CIT: variants seen among roughly 807,000 people sequenced by gnomAD.
The protein encoded by CIT is citron Rho-interacting kinase.
A neutral mutation model predicts 272.7 loss-of-function variants in CIT; 79 were observed. The ratio of observed to expected loss-of-function variants is 0.29; its 90% CI spans 0.24 to 0.35. The LOEUF (loss-of-function observed/expected upper bound fraction) is 0.35, where lower values mean the gene tolerates loss of function less well. Ranked by LOEUF, CIT falls within the 10% of genes least tolerant of loss-of-function variation. The pLI, the probability that CIT is intolerant of heterozygous loss-of-function variation, is 1.00. For synonymous variants in CIT, 948 were observed against 995.6 expected (o/e 0.95, Z 0.90); for missense variants, 1,909 against 2,618.3 (o/e 0.73, Z 5.91).
chr12:119,794,696 C>A (rs566427044), intron 10 of CIT, among the ~76,000 whole-genome samples: 3 of 152,222 alleles, frequency 2.0e-5, no homozygotes, highest in East Asian at 1.9e-4. Flanking sequence ...TCAGGCCCCC[C>A]ACGTGGAGCT....
rs1464781989 is a variant in CIT at position 119,758,583 on chromosome 12, A to G, written c.2531+8T>C. The stretch of plus-strand genomic sequence containing the variant: ...ATAATGTAGGGCAGTTAGAATTTGA[A>G]TACTTACATGTTCCTTTGGGTAAAA... On this transcript the variant is annotated splice_region_variant and intron_variant, in intron 21 of 47. Coordinates refer to ENST00000392521, the MANE Select transcript of CIT (RefSeq NM_001206999.2). 2 of 1,569,694 alleles carry G rather than the reference A, an allele frequency of 1.3e-6. No individual in the cohort carries two copies. The highest frequency in any genetic ancestry group is 8.8e-7 in the Non-Finnish European group (1 of 1,139,606).
chr12:119,690,331 G>A lies in CIT; in HGVS notation c.6006C>T (p.Arg2002=), dbSNP rs777373767. The change falls in exon 47 of 48, where the codon CGC becomes CGT. Residue 2002 remains arginine, a synonymous_variant. Coordinates refer to ENST00000392521, the MANE Select transcript of CIT (RefSeq NM_001206999.2). This position sits in a 1 kb window ranked among gnomAD's most constrained non-coding sequence, Gnocchi z 6.0. The part of the protein sequence containing the change: ...PREPSTPHRY[R]EGRTELRRDK... ...CCCTGCGCAGCTCGGTCCGCCCCTC[G>A]CGGTAGCGGTGGGGTGTGCTTGGCT... is the stretch of plus-strand genomic sequence containing the variant. 7.5e-6 allele frequency: 12 copies of A among 1,596,676 alleles called. No individual in the cohort carries two copies. Among genetic ancestry groups the A allele is most frequent in the African/African-American group, 2.7e-5 (2 of 74,728 alleles).
chr12:119,695,116 A>C (rs1956161672), intron 46 of CIT, among the ~76,000 whole-genome samples: 2 of 152,090 alleles, frequency 1.3e-5, no homozygotes, highest in African/African-American at 4.8e-5. Context: ...GCAACAATTC[A>C]AAGAGTGTTT....
chr12:119,876,758 C>T (rs1258867009), intron 1 of CIT, among the ~76,000 whole-genome samples: 1 of 152,080 alleles, frequency 6.6e-6, no homozygotes, highest in African/African-American at 2.4e-5. Context: ...AACAGCCAAG[C>T]CAAAAGCACT....
At chr12:119,773,250 T>G (rs988406761) in intron 16 of CIT, among the ~76,000 whole-genome samples, 54 of 152,190 alleles carry the variant, frequency 3.5e-4, no homozygotes, top group African/African-American at 1.2e-3. Flanking sequence ...GCATCTTCGA[T>G]TCGATGCAAC....
At chr12:119,733,166 A>G (rs1468821015) in intron 26 of CIT, among the ~76,000 whole-genome samples, 1 of 152,098 alleles carries the variant, frequency 6.6e-6, no homozygotes, top group Admixed American at 6.5e-5. Flanking sequence ...CTGTGGAAAC[A>G]AAAGTGAGAA....
At chr12:119,848,375 C>T (rs1969967548) in intron 5 of CIT, among the ~76,000 whole-genome samples, 1 of 152,176 alleles carries the variant, frequency 6.6e-6, no homozygotes, top group African/African-American at 2.4e-5. Flanking sequence ...ATCCCTCTTA[C>T]CCTTTTCTCT....
At chr12:119,695,693 G>C (rs951956175) in intron 46 of CIT, among the ~76,000 whole-genome samples, 1 of 152,078 alleles carries the variant, frequency 6.6e-6, no homozygotes, top group African/African-American at 2.4e-5. Flanking sequence ...CTGCTCATCA[G>C]GCTGAGGTAG....
chr12:119,688,064 C>G lies in CIT; in HGVS notation c.*168G>C. 1 of 702,878 alleles carries G rather than the reference C, an allele frequency of 1.4e-6. No individual in the cohort carries two copies. The highest frequency in any genetic ancestry group is 1.7e-5 in the South Asian group (1 of 57,346). 43.5% of individuals were successfully genotyped at this position (702,878 alleles called of 1,614,324 possible). A position where few individuals can be genotyped will look rare whatever the true frequency, so the allele number is the denominator to read the frequency against. ...TGACAGCTCCGAAGAGCCTCAGCCA[C>G]CTGCCCCTCCTGGAGACAGGGGTGT... On this transcript the variant is annotated 3_prime_UTR_variant, in exon 48 of 48. Coordinates refer to ENST00000392521, the MANE Select transcript of CIT (RefSeq NM_001206999.2).
intron 10 of CIT, among the ~76,000 whole-genome samples, chr12:119,789,625 G>A (rs1965128076): frequency 6.6e-6 from 1 of 152,096 alleles, no homozygotes; most frequent in South Asian, 2.1e-4. Context: ...TGTATTTCTT[G>A]AGCACACATA....
chr12:119,825,075 C>T lies in CIT; in HGVS notation c.957+90G>A, dbSNP rs1475943635. On this transcript the variant is annotated intron_variant, in intron 8 of 47. Transcript: ENST00000392521. ...TCGGCCTCCCAAAGTGCCGGGATTA[C>T]AGGCATGAGCCACCACGCCCAGCCT... 8.7e-6 allele frequency: 10 copies of T among 1,147,070 alleles called. No homozygotes were observed. In the East Asian group the frequency reaches 2.2e-4, roughly 25 times the overall value. The allele number at this position is 1,147,070 out of a possible 1,614,324, so 71.1% of individuals were successfully genotyped here. A position where few individuals can be genotyped will look rare whatever the true frequency, so the allele number is the denominator to read the frequency against.
chr12:119,811,928 G>A (rs1157763047), intron 9 of CIT, among the ~76,000 whole-genome samples: 1 of 150,434 alleles, frequency 6.6e-6, no homozygotes, highest in African/African-American at 2.5e-5. Context: ...TCACCCTGGT[G>A]GATATTCCCC....
Position 119,712,969 on chromosome 12 carries a change from G to GTAT in CIT, c.4579+231_4579+233dup, listed in dbSNP as rs1957246759. Reference sequence around the variant, plus strand: ...ACTGAGGCAGAAGTTCTCGGAAGGTGTATTAGCAGGTGGAATCTTCAGGGC... The same window carrying GTAT: ...ACTGAGGCAGAAGTTCTCGGAAGGTGTATTATTAGCAGGTGGAATCTTCAGGGC... On this transcript the variant is annotated intron_variant, in intron 35 of 47. Transcript: ENST00000392521. This position sits in a 1 kb window ranked among gnomAD's most constrained non-coding sequence, Gnocchi z 5.2. 8.5e-6 allele frequency: 5 copies of GTAT among 589,584 alleles called. No individual in the cohort carries two copies. Among genetic ancestry groups the GTAT allele is most frequent in the Non-Finnish European group, 1.5e-5 (5 of 332,314 alleles). The allele number at this position is 589,584 out of a possible 1,614,324, so 36.5% of individuals were successfully genotyped here. A position where few individuals can be genotyped will look rare whatever the true frequency, so the allele number is the denominator to read the frequency against.
At chr12:119,701,108 CAGAG>C (rs1286861350) in intron 43 of CIT, 18 of 171,086 alleles carry the variant, frequency 1.1e-4, no homozygotes, top group African/African-American at 7.5e-5. Flanking sequence ...GAGAAAGAGA[CAGAG>C]AGAGAGGGGA....
intron 23 of CIT, chr12:119,742,767 G>A (rs1959120402): frequency 4.0e-6 from 1 of 247,164 alleles, no homozygotes; most frequent in Non-Finnish European, 7.7e-6. Flanking sequence ...AAGCAATAAA[G>A]GATGAAGTTT....
At chr12:119,744,219 C>T (rs990548383) in intron 23 of CIT, among the ~76,000 whole-genome samples, 6 of 152,076 alleles carry the variant, frequency 3.9e-5, no homozygotes, top group African/African-American at 1.4e-4. Context: ...CCTTTGAAAA[C>T]ATAAGGAAAA....
chr12:119,708,392 C>A, intron 39 of CIT, 74 bp from the exon 40 acceptor site: 1 of 1,365,416 alleles, frequency 7.3e-7, no homozygotes, highest in Non-Finnish European at 9.6e-7. Context: ...GGTTCTAGTT[C>A]TAGTCACAAG....
chr12:119,824,607 T>C (rs1968013495), intron 8 of CIT, among the ~76,000 whole-genome samples: 1 of 152,104 alleles, frequency 6.6e-6, no homozygotes, highest in Non-Finnish European at 1.5e-5. Context: ...TGGCACAGAG[T>C]TAAGTGCCAT....
chr12:119,748,260 G>A (rs2137381049), intron 23 of CIT, among the ~76,000 whole-genome samples: 1 of 152,346 alleles, frequency 6.6e-6, no homozygotes, highest in South Asian at 2.1e-4. Flanking sequence ...TGGCAAAAAT[G>A]TGGACGGACA....
Sources: gnomAD v4.1 joint callset for allele counts (sites outside exome capture counted in the v4.1 genomes callset) on GRCh38, gnomAD v4.1.1 for gene constraint, Gnocchi (gnomAD v3.1) non-coding constraint, MANE v1.5 for transcripts, NCBI Gene and HGNC (gene_info 2026-07-23, HGNC 2026-07-21) for gene names.